CSMD3: variants seen among roughly 807,000 people sequenced by gnomAD.
The protein encoded by CSMD3 is CUB and sushi domain-containing protein 3.
A neutral mutation model predicts 435.2 loss-of-function variants in CSMD3; 177 were observed. That is an observed-to-expected ratio of 0.41 (90% CI 0.36 to 0.46). The LOEUF is 0.46. Among genes scored for constraint, CSMD3 ranks in the 20% least tolerant of loss-of-function variants. The pLI is 0.34. For synonymous variants in CSMD3, 1,656 were observed against 1,520.5 expected (o/e 1.09, Z -2.07); for missense variants, 4,265 against 4,504.6 (o/e 0.95, Z 1.52).
intron 32 of CSMD3, among the ~76,000 whole-genome samples, chr8:112,461,062 A>G (rs1817396995): frequency 6.6e-6 from 1 of 152,140 alleles, no homozygotes; most frequent in South Asian, 2.1e-4. Flanking sequence ...TGTTAAGTCT[A>G]AAGTAGGTAA....
At chr8:112,499,030 T>C (rs1000217769) in intron 30 of CSMD3, among the ~76,000 whole-genome samples, 1 of 152,116 alleles carries the variant, frequency 6.6e-6, no homozygotes, top group African/African-American at 2.4e-5. Context: ...GGCTTTCCTC[T>C]TAAGAAACTT....
At chr8:112,398,901 A>G (rs1831079200) in intron 35 of CSMD3, among the ~76,000 whole-genome samples, 1 of 151,416 alleles carries the variant, frequency 6.6e-6, no homozygotes, top group Admixed American at 6.6e-5. Flanking sequence ...CTTCTTATCA[A>G]ACGTTACTTG....
At chr8:113,157,522 G>C (rs2091957440) in intron 4 of CSMD3, among the ~76,000 whole-genome samples, 1 of 151,986 alleles carries the variant, frequency 6.6e-6, no homozygotes, top group South Asian at 2.1e-4. Flanking sequence ...ATGTGATACA[G>C]CTTGCCAAAA....
At position 112,822,245 on chromosome 8, in the gene CSMD3, T is replaced by C. The variant is rs190921870; in HGVS notation, c.1859+7441A>G. 1.3e-3 allele frequency among the ~76,000 whole-genome samples: 198 copies of C among 152,334 alleles called. 1 individual carries two copies. Among genetic ancestry groups the C allele is most frequent in the African/African-American group, 4.4e-3 (183 of 41,588 alleles). On this transcript the variant is annotated intron_variant, in intron 12 of 70. Coordinates refer to ENST00000297405, the MANE Select transcript of CSMD3 (RefSeq NM_198123.2). ...AATCTATAAATTACTTTGGGTAGTA[T>C]GGCCATTTTCACGATATTGATTCTT... is the stretch of plus-strand genomic sequence containing the variant.
Position 112,800,220 on chromosome 8 carries a change from C to A in CSMD3, c.1914G>T (p.Trp638Cys), listed in dbSNP as rs2132329801. The change falls in exon 13 of 71, where the codon TGG (tryptophan) becomes TGT (cysteine). Residue 638 changes from tryptophan to cysteine, a missense_variant. By Grantham distance (215) the Trp-to-Cys change is radical. This residue lies in a region of CSMD3 where 279 missense variants were observed against 369.0 expected (regional missense o/e 0.76). Coordinates refer to ENST00000297405, the MANE Select transcript of CSMD3 (RefSeq NM_198123.2). Reference protein sequence around the residue: ...DLIVSMSSQMWLHLQTDESVG... With the variant: ...DLIVSMSSQMCLHLQTDESVG... ...CACTTTCGTCCGTTTGAAGGTGCAG[C>A]CACATTTGGCTACTCATGCTCACTA... 1 of 1,613,002 alleles carries A rather than the reference C, an allele frequency of 6.2e-7. No homozygotes were observed. The highest frequency in any genetic ancestry group is 8.5e-7 in the Non-Finnish European group (1 of 1,179,228).
At chr8:112,897,148 T>C (rs953172649) in intron 10 of CSMD3, among the ~76,000 whole-genome samples, 1 of 151,442 alleles carries the variant, frequency 6.6e-6, no homozygotes, top group Non-Finnish European at 1.5e-5. Flanking sequence ...AATATTTTTA[T>C]AGAGCCAAAC....
At chr8:113,269,105 C>A (rs938844125) in intron 3 of CSMD3, among the ~76,000 whole-genome samples, 3 of 151,894 alleles carry the variant, frequency 2.0e-5, no homozygotes, top group African/African-American at 2.4e-5. Flanking sequence ...TTATTTAATT[C>A]TTTTGAGTAG....
intron 4 of CSMD3, among the ~76,000 whole-genome samples, chr8:113,146,223 A>C (rs2091669501): frequency 1.3e-5 from 2 of 151,592 alleles, no homozygotes; most frequent in Admixed American, 6.6e-5. Flanking sequence ...TCAAATATCC[A>C]GGAATAAAAA....
At chr8:112,494,108 T>C (rs891505606) in intron 30 of CSMD3, among the ~76,000 whole-genome samples, 2 of 152,130 alleles carry the variant, frequency 1.3e-5, no homozygotes, top group South Asian at 2.1e-4. Context: ...AGGAGTTTAA[T>C]GTACTTTAGC....
chr8:112,585,364 G>T (rs1461719924), intron 23 of CSMD3, among the ~76,000 whole-genome samples: 2 of 150,758 alleles, frequency 1.3e-5, no homozygotes, highest in Non-Finnish European at 3.0e-5. Flanking sequence ...ACATATAAGA[G>T]AAATCTGTAT....
chr8:113,216,062 T>G (rs529980017), intron 3 of CSMD3, among the ~76,000 whole-genome samples: 1 of 151,908 alleles, frequency 6.6e-6, no homozygotes, highest in South Asian at 2.1e-4. Context: ...TATTTTACCC[T>G]TTGACCCAGC....
At chr8:113,354,907 G>A (rs1026148334) in intron 1 of CSMD3, among the ~76,000 whole-genome samples, 1 of 152,058 alleles carries the variant, frequency 6.6e-6, no homozygotes, top group Non-Finnish European at 1.5e-5. Flanking sequence ...CCAAAATGCT[G>A]GGATTACAGG....
rs535522312 is a variant in CSMD3, at chr8:112,957,578, C to T, written c.1343-2817G>A. Among the ~76,000 whole-genome samples, 12 of 151,308 alleles carry T rather than the reference C, an allele frequency of 7.9e-5. No homozygotes were observed. The South Asian group carries it at 1.9e-3, about 24-fold the overall frequency. On this transcript the variant is annotated intron_variant, in intron 7 of 70. Coordinates refer to ENST00000297405, the MANE Select transcript of CSMD3 (RefSeq NM_198123.2). The stretch of plus-strand genomic sequence containing the variant: ...AAGCAGTTCTCCTGCCTCAGCCCCT[C>T]GAGTAGCTGGGATTACAGGCGTGTG...
intron 6 of CSMD3, among the ~76,000 whole-genome samples, chr8:113,014,770 GA>G (rs1329948760): frequency 3.9e-5 from 6 of 152,208 alleles, no homozygotes; most frequent in African/African-American, 1.2e-4. Context: ...TAGGTAGTGG[GA>G]AATTAATGAC....
chr8:113,003,809 C>A (rs1196380821), intron 6 of CSMD3, among the ~76,000 whole-genome samples: 1 of 151,944 alleles, frequency 6.6e-6, no homozygotes. Flanking sequence ...CAACTTAAAT[C>A]GCACAAGAGA....
chr8:112,526,486 A>G lies in CSMD3; in HGVS notation c.4565-9261T>C, dbSNP rs567293792. On this transcript the variant is annotated intron_variant, in intron 27 of 70. Transcript: ENST00000297405. ...TTCAACTGCATATAAAAATATTTGT[A>G]TATTTTAACAACAGTTTTATTGTGA... 2.6e-5 allele frequency among the ~76,000 whole-genome samples: 4 copies of G among 152,148 alleles called. No homozygotes were observed. The East Asian group carries it at 5.8e-4, about 22-fold the overall frequency.
chr8:112,751,659 TCTC>T (rs985461104), intron 13 of CSMD3, among the ~76,000 whole-genome samples: 2 of 150,830 alleles, frequency 1.3e-5, no homozygotes, highest in Non-Finnish European at 3.0e-5. Context: ...TTTTACCTAT[TCTC>T]CTCTCACCTG....
intron 32 of CSMD3, among the ~76,000 whole-genome samples, chr8:112,468,962 A>C (rs1818247759): frequency 6.6e-6 from 1 of 152,230 alleles, no homozygotes; most frequent in Admixed American, 6.5e-5. Flanking sequence ...TGCTCATGAA[A>C]ACATTATGAA....
intron 35 of CSMD3, among the ~76,000 whole-genome samples, chr8:112,405,314 C>G (rs1021437616): frequency 2.9e-5 from 4 of 137,414 alleles, no homozygotes; most frequent in Non-Finnish European, 4.6e-5. Context: ...AGAAACAACT[C>G]AAGTCATTAG....
Sources: allele counts gnomAD v4.1 joint callset (sites outside exome capture counted in the v4.1 genomes callset), GRCh38; gene constraint gnomAD v4.1.1; regional missense constraint gnomAD v4.1.1; transcripts MANE v1.5; gene names NCBI Gene and HGNC (gene_info 2026-07-23, HGNC 2026-07-21).